The following SND1 variants were observed in gnomAD, a reference collection of about 807,000 sequenced individuals.
The protein encoded by SND1 is staphylococcal nuclease and tudor domain containing 1, also known as staphylococcal nuclease domain-containing protein 1.
SND1 carries 38 observed loss-of-function variants against 121.7 expected under a neutral mutation model. The ratio of observed to expected loss-of-function variants is 0.31; its 90% confidence interval spans 0.24 to 0.41. SND1 has a LOEUF of 0.41. Ranked by LOEUF, SND1 falls within the 10% of genes least tolerant of loss-of-function variation. The pLI is 1.00. For synonymous variants in SND1, 401 were observed against 447.4 expected, an observed-to-expected ratio of 0.90 and a Z score of 1.31; for missense variants, 868 against 1,184.6, an observed-to-expected ratio of 0.73 and a Z score of 3.92.
At chr7:127,774,889 A>G (rs1322967683) in intron 10 of SND1, among the ~76,000 whole-genome samples, 1 of 152,168 alleles carries the variant, frequency 6.6e-6, no homozygotes, top group Non-Finnish European at 1.5e-5. Flanking sequence ...TTTATCTTTT[A>G]CACTGCATTT....
intron 11 of SND1, among the ~76,000 whole-genome samples, chr7:127,833,328 C>T (rs1479258725): frequency 6.9e-6 from 1 of 145,972 alleles, no homozygotes; most frequent in African/African-American, 2.6e-5. Context: ...TGCAGTGGCT[C>T]GATGTTGGCT....
chr7:127,704,783 A>T (rs1213692445), intron 7 of SND1, 56 bp from the exon 8 acceptor site: 1 of 1,377,528 alleles, frequency 7.3e-7, no homozygotes, highest in Non-Finnish European at 1.0e-6. Context: ...AGAGAAATGG[A>T]TTCTTTTACA....
At chr7:128,027,462 CG>C (rs1803509539) in intron 16 of SND1, 1 of 152,552 alleles carries the variant, frequency 6.6e-6, no homozygotes, top group Non-Finnish European at 1.5e-5. Flanking sequence ...CATTACTTTA[CG>C]TGAGCCTGTA....
chr7:127,795,580 T>A (rs1037113602), intron 10 of SND1, among the ~76,000 whole-genome samples: 1 of 152,212 alleles, frequency 6.6e-6, no homozygotes, highest in Non-Finnish European at 1.5e-5. Context: ...TAGCTAATAA[T>A]AGACTGAGGG....
chr7:127,873,333 C>T (rs1367208583), intron 12 of SND1, among the ~76,000 whole-genome samples: 2 of 152,094 alleles, frequency 1.3e-5, no homozygotes, highest in Non-Finnish European at 2.9e-5. Flanking sequence ...TTACTCTATC[C>T]TAAGTACCTA....
Position 127,658,182 on chromosome 7 carries a change from G to T in SND1, c.78+5731G>T, listed in dbSNP as rs150291398. Among the ~76,000 whole-genome samples, 32 of 152,190 alleles carry T rather than the reference G, an allele frequency of 2.1e-4. 2 individuals carry two copies. The East Asian group carries it at 6.2e-3, about 29-fold the overall frequency. On this transcript the variant is annotated intron_variant, in intron 1 of 23. Transcript: ENST00000354725. ...CAAAAAAAATTAGCCAGGCATGGTG[G>T]CGCGCGCCTGTAGTCCCAGGTATTC...
At chr7:127,707,802 TGTG>T (rs1240019277) in intron 9 of SND1, among the ~76,000 whole-genome samples, 155 bp downstream of exon 9, 2 of 151,834 alleles carry the variant, frequency 1.3e-5, no homozygotes, top group African/African-American at 4.8e-5. Context: ...TGTGTGTGTG[TGTG>T]TGTGTGTTTA....
At chr7:127,894,403 AAG>A (rs1471057801) in intron 13 of SND1, among the ~76,000 whole-genome samples, 1 of 151,954 alleles carries the variant, frequency 6.6e-6, no homozygotes, top group East Asian at 1.9e-4. Flanking sequence ...AAAAAGAAGA[AAG>A]AAACTGTTGA....
chr7:128,024,445 GC>G (rs1377899895), intron 16 of SND1, among the ~76,000 whole-genome samples: 1 of 152,166 alleles, frequency 6.6e-6, no homozygotes, highest in Non-Finnish European at 1.5e-5. Flanking sequence ...AAATGATGGA[GC>G]CTTAATTATA....
chr7:127,652,856 TTGGCCATCA>T (rs1341329092), intron 1 of SND1, among the ~76,000 whole-genome samples: 1 of 152,252 alleles, frequency 6.6e-6, no homozygotes, highest in African/African-American at 2.4e-5. Flanking sequence ...CTACTAGTAC[TTGGCCATCA>T]TGAAACTTTT....
intron 10 of SND1, among the ~76,000 whole-genome samples, chr7:127,726,942 A>G (rs894889035): frequency 3.9e-5 from 6 of 152,036 alleles, no homozygotes; most frequent in Admixed American, 2.0e-4. Context: ...GACAGCCCCC[A>G]CTGCCAGCGC....
At chr7:127,870,031 G>A (rs1799551806) in intron 12 of SND1, among the ~76,000 whole-genome samples, 2 of 152,160 alleles carry the variant, frequency 1.3e-5, no homozygotes, top group Admixed American at 6.5e-5. Flanking sequence ...GGCTGTCATG[G>A]TGGAAGGATG....
At position 127,652,210 on chromosome 7, in the gene SND1, C is replaced by T; in HGVS notation, c.-164C>T. 2 of 680,080 alleles carry T rather than the reference C, an allele frequency of 2.9e-6. No homozygotes were observed. The highest frequency in any genetic ancestry group is 5.4e-6 in the Non-Finnish European group (2 of 371,812). 42.1% of individuals were successfully genotyped at this position (680,080 alleles called of 1,614,324 possible). A position where few individuals can be genotyped will look rare whatever the true frequency, so the allele number is the denominator to read the frequency against. On this transcript the variant is annotated 5_prime_UTR_variant, in exon 1 of 24. Coordinates refer to ENST00000354725, the MANE Select transcript of SND1 (RefSeq NM_014390.4). Reference sequence around the variant, plus strand: ...AGATCGCGTCTCTTTCGCTCCGTGTCCCGCTGCTGCTCCTGTGAGCGCCCG... The same window carrying T: ...AGATCGCGTCTCTTTCGCTCCGTGTTCCGCTGCTGCTCCTGTGAGCGCCCG...
At chr7:127,683,966 T>C (rs1795771298) in intron 1 of SND1, among the ~76,000 whole-genome samples, 1 of 152,326 alleles carries the variant, frequency 6.6e-6, no homozygotes, top group East Asian at 1.9e-4. Flanking sequence ...TTTTGCACAA[T>C]TACTGTGTAC....
At chr7:127,852,445 A>C (rs1419906193) in intron 12 of SND1, among the ~76,000 whole-genome samples, 1 of 149,762 alleles carries the variant, frequency 6.7e-6, no homozygotes, top group African/African-American at 2.5e-5. Context: ...CCAAGATCGC[A>C]CCACTGTACT....
chr7:127,747,102 G>T (rs767695777), intron 10 of SND1, among the ~76,000 whole-genome samples: 1 of 152,196 alleles, frequency 6.6e-6, no homozygotes, highest in Non-Finnish European at 1.5e-5. Context: ...GGAGGTTGTT[G>T]CTTGGGTGGA....
chr7:127,996,634 A>C (rs907283115), intron 16 of SND1, among the ~76,000 whole-genome samples: 2 of 151,536 alleles, frequency 1.3e-5, no homozygotes, highest in African/African-American at 4.9e-5. Context: ...AGTGCAACCT[A>C]CTCTCCTGAC....
chr7:127,759,073 G>GATAT (rs1204676887), intron 10 of SND1, among the ~76,000 whole-genome samples: 1 of 151,770 alleles, frequency 6.6e-6, no homozygotes, highest in African/African-American at 2.4e-5. Context: ...TAGATAGATA[G>GATAT]ATAGATAGAT....
intron 1 of SND1, among the ~76,000 whole-genome samples, chr7:127,665,343 C>T (rs941804102): frequency 7.9e-5 from 12 of 152,128 alleles, no homozygotes; most frequent in African/African-American, 2.6e-4. Flanking sequence ...CCCGCCACCA[C>T]GCCCGGCCAA....
Sources: allele counts gnomAD v4.1 joint callset (sites outside exome capture counted in the v4.1 genomes callset), GRCh38; gene constraint gnomAD v4.1.1; transcripts MANE v1.5; gene names NCBI Gene and HGNC (gene_info 2026-07-23, HGNC 2026-07-21).